The following LGSN variants were observed in gnomAD, a reference collection of about 807,000 sequenced individuals.
LGSN encodes the protein lengsin.
Under a neutral mutation model 19.5 loss-of-function variants are expected in LGSN, and 21 were observed. That is an observed-to-expected ratio of 1.07 (90% confidence interval 0.76 to 1.55). The LOEUF is 1.55. LGSN is among the 40% of genes most tolerant of loss of function. The pLI is 0.00. For synonymous variants in LGSN, 257 were observed against 215.6 expected (o/e 1.19, Z -1.68); for missense variants, 673 against 608.5 (o/e 1.11, Z -1.12).
chr6:63,367,123 C>T, the LGSN span, among the ~76,000 whole-genome samples: 1 of 152,096 alleles, frequency 6.6e-6, no homozygotes, highest in East Asian at 1.9e-4. Context: ...TTCTGCACAG[C>T]AAAAGAAACT....
chr6:63,359,440 G>C, the LGSN span, among the ~76,000 whole-genome samples: 1 of 152,078 alleles, frequency 6.6e-6, no homozygotes, highest in Non-Finnish European at 1.5e-5. Flanking sequence ...CTGGTAGAAT[G>C]CATCTGTGAA....
chr6:63,373,410 T>A, the LGSN span, among the ~76,000 whole-genome samples: 114 of 152,306 alleles, frequency 7.5e-4, 1 homozygote, highest in African/African-American at 2.6e-3. Context: ...ACTCCTAATA[T>A]GCTACACTGA....
the LGSN span, among the ~76,000 whole-genome samples, chr6:63,562,112 GTTTA>G: frequency 7.3e-5 from 11 of 150,344 alleles, no homozygotes; most frequent in East Asian, 5.9e-4. Flanking sequence ...TAACATTTTA[GTTTA>G]TTTCTTTCTA....
At chr6:63,533,837 T>TTAAC in the LGSN span, among the ~76,000 whole-genome samples, 2 of 151,566 alleles carry the variant, frequency 1.3e-5, no homozygotes, top group African/African-American at 4.9e-5. Flanking sequence ...ACTTTTTTAA[T>TTAAC]TAATTAATTA....
intron 2 of LGSN, among the ~76,000 whole-genome samples, chr6:63,290,626 G>T (rs1767727433): frequency 6.6e-6 from 1 of 152,218 alleles, no homozygotes; most frequent in Non-Finnish European, 1.5e-5. Flanking sequence ...CTCTGAGGTA[G>T]TCTAGATGGG....
At chr6:63,362,308 G>T in the LGSN span, among the ~76,000 whole-genome samples, 1 of 152,184 alleles carries the variant, frequency 6.6e-6, no homozygotes, top group Non-Finnish European at 1.5e-5. Context: ...CACAGAAGAC[G>T]GGTGATTTCT....
chr6:63,535,081 T>A, the LGSN span, among the ~76,000 whole-genome samples: 5 of 151,152 alleles, frequency 3.3e-5, no homozygotes, highest in African/African-American at 1.2e-4. Flanking sequence ...TAATAATAAT[T>A]GTAAGAATGT....
chr6:63,399,867 TTTTA>T, the LGSN span, among the ~76,000 whole-genome samples: 3 of 152,074 alleles, frequency 2.0e-5, no homozygotes, highest in African/African-American at 7.2e-5. Context: ...AGCTATTTTT[TTTTA>T]TTTATTTTTT....
the LGSN span, among the ~76,000 whole-genome samples, chr6:63,408,715 A>G: frequency 2.9e-3 from 437 of 151,468 alleles, 2 homozygotes; most frequent in African/African-American, 0.01. Context: ...CTGCACAGCA[A>G]AAGAAACTAC....
intron 1 of LGSN, among the ~76,000 whole-genome samples, chr6:63,304,971 C>A (rs954962740): frequency 1.3e-5 from 2 of 152,250 alleles, no homozygotes; most frequent in South Asian, 2.1e-4. Context: ...TAGGTGAGAA[C>A]CTGACCAAAA....
chr6:63,386,498 AT>A, the LGSN span, among the ~76,000 whole-genome samples: 2 of 151,944 alleles, frequency 1.3e-5, no homozygotes, highest in African/African-American at 4.8e-5. Flanking sequence ...TGTCTTTCAT[AT>A]TTCCAATCTC....
chr6:63,516,760 G>T, the LGSN span, among the ~76,000 whole-genome samples: 1 of 152,164 alleles, frequency 6.6e-6, no homozygotes, highest in African/African-American at 2.4e-5. Context: ...GCTACTTCTG[G>T]GAAGTATTCT....
chr6:63,276,707 C>T lies in LGSN; in HGVS notation c.*3314G>A, dbSNP rs1767115124. 6.6e-6 allele frequency: 1 copy of T among 152,100 alleles called. No homozygotes were observed. The highest frequency in any genetic ancestry group is 1.5e-5 in the Non-Finnish European group (1 of 68,022). 9.4% of individuals were successfully genotyped at this position (152,100 alleles called of 1,614,324 possible). ...TGTCTGCTCATCTTTGTTTTGGTCTCCCCTAGTATGATGGCTCCCAGCTGA... is the reference window on the plus strand; with the variant it reads ...TGTCTGCTCATCTTTGTTTTGGTCTTCCCTAGTATGATGGCTCCCAGCTGA... On this transcript the variant is annotated 3_prime_UTR_variant, in exon 4 of 4. Coordinates refer to ENST00000370657, the MANE Select transcript of LGSN (RefSeq NM_016571.3).
At chr6:63,488,448 T>C in the LGSN span, among the ~76,000 whole-genome samples, 1 of 152,162 alleles carries the variant, frequency 6.6e-6, no homozygotes, top group Non-Finnish European at 1.5e-5. Flanking sequence ...GCTCCATACC[T>C]TGATGAGCAG....
At chr6:63,520,303 C>T in the LGSN span, among the ~76,000 whole-genome samples, 2 of 152,042 alleles carry the variant, frequency 1.3e-5, no homozygotes, top group Non-Finnish European at 2.9e-5. Context: ...ATTAACATTG[C>T]TAATGAATAG....
the LGSN span, among the ~76,000 whole-genome samples, chr6:63,367,179 A>G: frequency 2.6e-5 from 4 of 152,124 alleles, no homozygotes; most frequent in Non-Finnish European, 4.4e-5. Context: ...GAAAATTTTT[A>G]CAATCTACTC....
the LGSN span, among the ~76,000 whole-genome samples, chr6:63,382,949 G>A: frequency 6.6e-6 from 1 of 151,986 alleles, no homozygotes; most frequent in Non-Finnish European, 1.5e-5. Context: ...AAGACAAAAG[G>A]GATTATCTAG....
chr6:63,380,600 G>A, the LGSN span, among the ~76,000 whole-genome samples: 10 of 151,940 alleles, frequency 6.6e-5, no homozygotes, highest in Non-Finnish European at 1.3e-4. Context: ...GAGAAGTTAC[G>A]GAAGGAGCAT....
the LGSN span, among the ~76,000 whole-genome samples, chr6:63,412,040 A>C: frequency 6.6e-6 from 1 of 152,140 alleles, no homozygotes; most frequent in Non-Finnish European, 1.5e-5. Flanking sequence ...AAAACTTAAA[A>C]TAGTGAATTT....
Sources: allele counts gnomAD v4.1 joint callset (sites outside exome capture counted in the v4.1 genomes callset), GRCh38; gene constraint gnomAD v4.1.1; transcripts MANE v1.5; gene names NCBI Gene and HGNC (gene_info 2026-07-23, HGNC 2026-07-21).